Variants in GMDS observed in about 807,000 individuals in gnomAD.
The protein encoded by GMDS is GDP-mannose 4,6-dehydratase.
Under a neutral mutation model 49.9 loss-of-function variants are expected in GMDS, and 20 were observed. The observed-to-expected ratio is 0.40, with a 90% confidence interval of 0.28 to 0.58. The LOEUF is 0.58. GMDS is among the 20% of genes least tolerant of loss of function. GMDS has a pLI of 0.42. For missense variants in GMDS, 362 were observed against 481.4 expected, an observed-to-expected ratio of 0.75 and a Z score of 2.32; for synonymous variants, 177 against 178.6, an observed-to-expected ratio of 0.99 and a Z score of 0.07.
intron 7 of GMDS, among the ~76,000 whole-genome samples, chr6:1,925,428 T>C (rs552229926): frequency 3.3e-5 from 5 of 152,292 alleles, no homozygotes; most frequent in African/African-American, 9.6e-5. Context: ...AAGTCAGAGG[T>C]AAACTTTATT....
chr6:2,160,647 T>A (rs1581730262), intron 1 of GMDS, among the ~76,000 whole-genome samples: 1 of 152,266 alleles, frequency 6.6e-6, no homozygotes, highest in East Asian at 1.9e-4. Flanking sequence ...TAGTTCCAGC[T>A]ACCTCAGCCT....
intron 1 of GMDS, among the ~76,000 whole-genome samples, chr6:2,239,169 A>C (rs1432034211): frequency 6.6e-6 from 1 of 152,162 alleles, no homozygotes; most frequent in Non-Finnish European, 1.5e-5. Context: ...ACTCTACTAA[A>C]AATACAAAAA....
chr6:2,197,590 C>A (rs928247129), intron 1 of GMDS, among the ~76,000 whole-genome samples: 1 of 152,208 alleles, frequency 6.6e-6, no homozygotes, highest in Non-Finnish European at 1.5e-5. Context: ...GGGAGCACTG[C>A]ACTAGAGAAG....
intron 4 of GMDS, among the ~76,000 whole-genome samples, chr6:1,974,642 G>A (rs1232242671): frequency 6.6e-6 from 1 of 152,118 alleles, no homozygotes; most frequent in Non-Finnish European, 1.5e-5. Flanking sequence ...TCGACAAATT[G>A]CTAAGAATGA....
intron 4 of GMDS, among the ~76,000 whole-genome samples, chr6:2,027,361 G>A (rs1027495374): frequency 1.3e-5 from 2 of 152,170 alleles, no homozygotes; most frequent in Admixed American, 1.3e-4. Context: ...CTGCAACCCA[G>A]GGCTTAATTA....
chr6:2,146,908 C>G (rs563183047), intron 1 of GMDS, among the ~76,000 whole-genome samples: 44 of 152,214 alleles, frequency 2.9e-4, no homozygotes, highest in African/African-American at 1.1e-3. Flanking sequence ...TTTCAGCCAG[C>G]CTTTTGGAGA....
intron 9 of GMDS, among the ~76,000 whole-genome samples, chr6:1,721,817 T>G (rs1766395325): frequency 6.6e-6 from 1 of 152,144 alleles, no homozygotes; most frequent in South Asian, 2.1e-4. Context: ...AGGTCAATAG[T>G]AGTTTTCTCA....
chr6:1,838,313 T>G (rs1757014125), intron 7 of GMDS, among the ~76,000 whole-genome samples: 1 of 152,244 alleles, frequency 6.6e-6, no homozygotes, highest in Non-Finnish European at 1.5e-5. Flanking sequence ...GGGCTCTGAA[T>G]TTAAAAGTCT....
intron 7 of GMDS, among the ~76,000 whole-genome samples, chr6:1,874,856 A>T (rs1461972975): frequency 1.3e-5 from 2 of 152,348 alleles, no homozygotes; most frequent in East Asian, 3.9e-4. Context: ...ATAAAGACAC[A>T]GATGATGAGG....
intron 6 of GMDS, among the ~76,000 whole-genome samples, chr6:1,952,665 T>C (rs17134530): frequency 5.4e-4 from 82 of 152,078 alleles, no homozygotes; most frequent in African/African-American, 1.8e-3. Flanking sequence ...CAAGGCCCCA[T>C]GGTCAGAGAC....
chr6:1,864,728 C>T (rs1040470402), intron 7 of GMDS, among the ~76,000 whole-genome samples: 23 of 152,134 alleles, frequency 1.5e-4, no homozygotes, highest in East Asian at 9.6e-4. Flanking sequence ...CACTGCCTAT[C>T]GCCTAACAAA....
intron 4 of GMDS, among the ~76,000 whole-genome samples, chr6:2,052,787 A>G (rs1770506310): frequency 6.6e-6 from 1 of 152,224 alleles, no homozygotes. Context: ...AAAAATCCAG[A>G]TATCTGGAGC....
In GMDS at chr6:1,730,810, G is replaced by C. The variant is rs1055422482; in HGVS notation, c.891-4298C>G. Among the ~76,000 whole-genome samples, 12 of 152,254 alleles carry C rather than the reference G, an allele frequency of 7.9e-5. No individual in the cohort carries two copies. The East Asian group carries it at 1.9e-3, about 24-fold the overall frequency. On this transcript the variant is annotated intron_variant, in intron 8 of 10. Transcript: ENST00000380815. ...ACTATGCTCTCAAAACTCACAAGTA[G>C]CTTTTTAGGCCCCCCACTTTTAAAG...
chr6:1,762,856 TCTTTG>T (rs1476709604), intron 7 of GMDS, among the ~76,000 whole-genome samples: 3 of 152,246 alleles, frequency 2.0e-5, no homozygotes, highest in African/African-American at 7.2e-5. Flanking sequence ...TACCCTAATT[TCTTTG>T]CTTCGAGACA....
In GMDS at chr6:1,688,905, C is replaced by A. The variant is rs1253649876; in HGVS notation, c.987+37511G>T. The stretch of plus-strand genomic sequence containing the variant: ...TTTGGAAGGGAAATAAATGATAGCA[C>A]TTCAACATCAGCCATTTTCCCTAAA... On this transcript the variant is annotated intron_variant, in intron 9 of 10. Transcript: ENST00000380815. Among the ~76,000 whole-genome samples the A allele has an allele frequency of 4.6e-5, 7 of 152,286 alleles. No homozygotes were observed. In the East Asian group the frequency reaches 1.2e-3, roughly 25 times the overall value.
At chr6:1,737,122 G>C (rs57090294) in intron 8 of GMDS, among the ~76,000 whole-genome samples, 15,090 of 152,192 alleles carry the variant, frequency 0.099, 2,429 homozygotes, top group African/African-American at 0.34. Flanking sequence ...TTAGAAATGG[G>C]TTTCTTTTCT....
chr6:2,203,295 A>G (rs1561654666), intron 1 of GMDS, among the ~76,000 whole-genome samples: 2 of 151,890 alleles, frequency 1.3e-5, no homozygotes, highest in Non-Finnish European at 2.9e-5. Flanking sequence ...GTAAAATTGG[A>G]AAAAAAATAT....
intron 7 of GMDS, among the ~76,000 whole-genome samples, chr6:1,750,629 C>T (rs1275983053): frequency 6.6e-6 from 1 of 152,144 alleles, no homozygotes; most frequent in Non-Finnish European, 1.5e-5. Context: ...CACCAGGGCC[C>T]TGGGTTTCAA....
In GMDS at chr6:1,722,382, C is replaced by T. The variant is rs573413680; in HGVS notation, c.987+4034G>A. Among the ~76,000 whole-genome samples, 24 of 151,956 alleles carry T rather than the reference C, an allele frequency of 1.6e-4. No homozygotes were observed. In the South Asian group the frequency reaches 3.1e-3, roughly 20 times the overall value. ...GATTACAGGTGTGAGCCACCGCGCC[C>T]GGCCAAACTGCTATCATTTCTACAT... On this transcript the variant is annotated intron_variant, in intron 9 of 10. Transcript: ENST00000380815.
Sources: allele counts gnomAD v4.1 joint callset (sites outside exome capture counted in the v4.1 genomes callset), GRCh38; gene constraint gnomAD v4.1.1; transcripts MANE v1.5; gene names NCBI Gene and HGNC (gene_info 2026-07-23, HGNC 2026-07-21).